GRIP1: variants seen among roughly 807,000 people sequenced by gnomAD.
GRIP1 encodes the protein glutamate receptor interacting protein 1.
In GRIP1, 45 loss-of-function variants were observed where a neutral mutation model predicts 129.9. The observed-to-expected ratio is 0.35, with a 90% CI of 0.27 to 0.44. The LOEUF (loss-of-function observed/expected upper bound fraction) is 0.44, where lower values mean the gene tolerates loss of function less well. GRIP1 is among the 20% of genes least tolerant of loss of function. The pLI is 1.00. For synonymous variants in GRIP1, 530 were observed against 520.8 expected (o/e 1.02, Z -0.24); for missense variants, 1,196 against 1,396.8 (o/e 0.86, Z 2.29).
intron 1 of GRIP1, among the ~76,000 whole-genome samples, chr12:66,612,608 C>A (rs56188466): frequency 0.054 from 8,258 of 152,042 alleles, 274 homozygotes; most frequent in African/African-American, 0.09. Flanking sequence ...GCACTCCAGC[C>A]TCAGTGACAG....
chr12:66,461,944 G>A (rs138327390), intron 9 of GRIP1, among the ~76,000 whole-genome samples: 1 of 152,290 alleles, frequency 6.6e-6, no homozygotes, highest in Non-Finnish European at 1.5e-5. Flanking sequence ...TTTGCTTTAA[G>A]GAATAGGGCA....
At chr12:66,353,722 C>G (rs1180970341) in intron 23 of GRIP1, among the ~76,000 whole-genome samples, 159 bp from the exon 24 acceptor site, 4 of 152,144 alleles carry the variant, frequency 2.6e-5, no homozygotes, top group Non-Finnish European at 5.9e-5. Flanking sequence ...CCTTTTTTTC[C>G]CACTCCAAGA....
intron 2 of GRIP1, among the ~76,000 whole-genome samples, chr12:66,581,007 A>G (rs2063354765): frequency 6.6e-6 from 1 of 152,198 alleles, no homozygotes; most frequent in African/African-American, 2.4e-5. Context: ...CATAGTTGGA[A>G]GTAAAGCTCT....
At chr12:66,458,817 G>A (rs1392624811) in intron 9 of GRIP1, among the ~76,000 whole-genome samples, 1 of 152,184 alleles carries the variant, frequency 6.6e-6, no homozygotes, top group East Asian at 1.9e-4. Flanking sequence ...AACAAGTCAG[G>A]TTCCTTCCTG....
chr12:66,850,910 C>T (rs1422372127), intron 1 of GRIP1, among the ~76,000 whole-genome samples: 3 of 149,426 alleles, frequency 2.0e-5, no homozygotes, highest in Non-Finnish European at 1.5e-5. Context: ...TTCACTCCCT[C>T]GTTTAACATC....
intron 1 of GRIP1, among the ~76,000 whole-genome samples, chr12:66,972,063 A>C (rs542892221): frequency 3.3e-5 from 5 of 152,284 alleles, no homozygotes; most frequent in Admixed American, 3.3e-4. Context: ...GAAAAGTACT[A>C]AGCTAGGATT....
chr12:66,407,589 GT>G (rs1490191736), intron 15 of GRIP1, among the ~76,000 whole-genome samples: 1 of 152,148 alleles, frequency 6.6e-6, no homozygotes, highest in African/African-American at 2.4e-5. Context: ...GTGCTACCCT[GT>G]CACAGCGGAA....
At chr12:66,497,544 G>A (rs1406284128) in intron 7 of GRIP1, among the ~76,000 whole-genome samples, 1 of 152,166 alleles carries the variant, frequency 6.6e-6, no homozygotes, top group Admixed American at 6.5e-5. Flanking sequence ...CACTGAGATA[G>A]GGGTGGCAAT....
intron 7 of GRIP1, among the ~76,000 whole-genome samples, chr12:66,511,644 T>G (rs1299935664): frequency 6.6e-6 from 1 of 152,154 alleles, no homozygotes; most frequent in Non-Finnish European, 1.5e-5. Flanking sequence ...ATTAAGAGTC[T>G]TTTAGAGGAG....
intron 1 of GRIP1, among the ~76,000 whole-genome samples, chr12:66,959,520 C>T (rs1403086231): frequency 1.3e-5 from 2 of 152,076 alleles, no homozygotes; most frequent in African/African-American, 4.8e-5. Context: ...ATTTCTGGCT[C>T]GGTAGCCACA....
At chr12:66,828,632 C>T (rs1014372365) in intron 1 of GRIP1, among the ~76,000 whole-genome samples, 1 of 152,108 alleles carries the variant, frequency 6.6e-6, no homozygotes, top group African/African-American at 2.4e-5. Flanking sequence ...TTCAGTCTTT[C>T]TTATAAAGAA....
intron 5 of GRIP1, among the ~76,000 whole-genome samples, chr12:66,524,130 G>A (rs947672336): frequency 4.5e-4 from 68 of 152,072 alleles, no homozygotes; most frequent in Non-Finnish European, 7.9e-4. Context: ...GAGACAGAAA[G>A]TTAACAAGGA....
intron 1 of GRIP1, among the ~76,000 whole-genome samples, chr12:67,005,584 A>G (rs1364466037): frequency 6.6e-6 from 1 of 152,230 alleles, no homozygotes; most frequent in African/African-American, 2.4e-5. Flanking sequence ...TATCAGAGCC[A>G]GGATTCAAAC....
chr12:66,564,508 T>C (rs1302782504), intron 2 of GRIP1, among the ~76,000 whole-genome samples: 1 of 152,186 alleles, frequency 6.6e-6, no homozygotes, highest in East Asian at 1.9e-4. Flanking sequence ...TGCCACATTT[T>C]CTTAATCCAG....
At chr12:66,925,935 C>T (rs1450363266) in intron 1 of GRIP1, among the ~76,000 whole-genome samples, 10 of 152,106 alleles carry the variant, frequency 6.6e-5, no homozygotes, top group South Asian at 2.1e-4. Flanking sequence ...TGAGCCACTG[C>T]GCCCAGCCAG....
intron 24 of GRIP1, among the ~76,000 whole-genome samples, chr12:66,350,350 A>G (rs1275415627): frequency 6.6e-6 from 1 of 152,064 alleles, no homozygotes; most frequent in African/African-American, 2.4e-5. Context: ...ATACAAAATT[A>G]GCCGGGCATG....
intron 1 of GRIP1, among the ~76,000 whole-genome samples, chr12:66,669,562 A>T (rs544632028): frequency 6.6e-6 from 1 of 152,314 alleles, no homozygotes; most frequent in East Asian, 1.9e-4. Flanking sequence ...ATAAACAAAG[A>T]ATTATCATCA....
intron 14 of GRIP1, among the ~76,000 whole-genome samples, chr12:66,431,464 G>C (rs184476615): frequency 6.6e-6 from 1 of 152,182 alleles, no homozygotes. Context: ...GTGGGTTATT[G>C]GTTATAAATA....
chr12:66,565,248 T>C (rs1273156835), intron 2 of GRIP1, among the ~76,000 whole-genome samples: 1 of 152,248 alleles, frequency 6.6e-6, no homozygotes, highest in Non-Finnish European at 1.5e-5. Flanking sequence ...GGGGTTTTTA[T>C]GGTTTTAGGT....
Sources: gnomAD v4.1 joint callset for allele counts (sites outside exome capture counted in the v4.1 genomes callset) on GRCh38, gnomAD v4.1.1 for gene constraint, MANE v1.5 for transcripts, NCBI Gene and HGNC (gene_info 2026-07-23, HGNC 2026-07-21) for gene names.